Variants in NPHP4 observed in about 807,000 individuals in gnomAD.
NPHP4 encodes nephrocystin-4.
NPHP4 carries 151 observed loss-of-function variants against 155.8 expected under a neutral mutation model. That is an observed-to-expected ratio of 0.97 (90% CI 0.85 to 1.11). The LOEUF (loss-of-function observed/expected upper bound fraction) is 1.11, where lower values mean the gene tolerates loss of function less well. Ranked by LOEUF, NPHP4 falls within the 50% of genes least tolerant of loss-of-function variation. The probability of loss-of-function intolerance (pLI) is 0.00; values close to 1 mark genes in which losing one functional copy is unlikely to be tolerated. For missense variants in NPHP4, 1,956 were observed against 1,925.7 expected (o/e 1.02, Z -0.29); for synonymous variants, 845 against 816.8 (o/e 1.03, Z -0.59).
chr1:5,888,646 T>G, intron 17 of NPHP4: 1 of 1,325,030 alleles, frequency 7.5e-7, no homozygotes, highest in Non-Finnish European at 1.0e-6. Flanking sequence ...AGAAACCATG[T>G]CAGCTTCTCC....
chr1:5,948,529 C>G (rs1275555629), intron 7 of NPHP4, among the ~76,000 whole-genome samples: 1 of 152,188 alleles, frequency 6.6e-6, no homozygotes, highest in African/African-American at 2.4e-5. Flanking sequence ...ATCCCCAAAA[C>G]CCGACACTAG....
chr1:5,961,768 G>C (rs191674474), intron 6 of NPHP4, 26 bp downstream of exon 6: 2 of 1,600,540 alleles, frequency 1.2e-6, no homozygotes, highest in Non-Finnish European at 1.7e-6. Context: ...ACCTCACCAA[G>C]TGGAGAGAAT....
Position 5,867,723 on chromosome 1 carries a change from G to A in NPHP4, c.3472+17C>T. On this transcript the variant is annotated intron_variant, in intron 24 of 29. Coordinates refer to ENST00000378156, the MANE Select transcript of NPHP4 (RefSeq NM_015102.5). The surrounding 1 kb of genome is among the most constrained non-coding windows in gnomAD (Gnocchi z 4.1). ...GAGCCTGCAACATGTGGGCTGCAGGGTCAGTGCAGGACCTGCCTGGAAATG... is the reference window on the plus strand; with the variant it reads ...GAGCCTGCAACATGTGGGCTGCAGGATCAGTGCAGGACCTGCCTGGAAATG... The A allele has an allele frequency of 6.2e-7, 1 of 1,606,942 alleles. No individual in the cohort carries two copies. The highest frequency in any genetic ancestry group is 8.5e-7 in the Non-Finnish European group (1 of 1,179,404).
At chr1:5,960,797 G>T (rs1650174129) in intron 6 of NPHP4, among the ~76,000 whole-genome samples, 1 of 151,850 alleles carries the variant, frequency 6.6e-6, no homozygotes, top group Non-Finnish European at 1.5e-5. Context: ...TGGCTGCTGG[G>T]GTCGACCCAA....
rs921161455 is a variant in NPHP4 at position 5,885,891 on chromosome 1, C to T, written c.2485+1395G>A. On this transcript the variant is annotated intron_variant, in intron 18 of 29. Transcript: ENST00000378156. ...CGCTGCACTGATGCGCAGAGTGCTG[C>T]GGGTGGATTCGACCTTTGTGAAAAC... Among the ~76,000 whole-genome samples the T allele has an allele frequency of 5.9e-5, 9 of 152,204 alleles. No individual in the cohort carries two copies. The East Asian group carries it at 7.7e-4, about 13-fold the overall frequency.
rs1335109614 is a variant in NPHP4 at position 5,907,163 on chromosome 1, C to T, written c.1563G>A (p.Arg521=). The T allele has an allele frequency of 6.3e-7, 1 of 1,587,932 alleles. No individual in the cohort carries two copies. Among genetic ancestry groups the T allele is most frequent in the Non-Finnish European group, 8.6e-7 (1 of 1,166,566 alleles). The part of the protein sequence containing the change: ...PRSPTQHCLA[R]PTSQLPHGSQ... ...AGCCATGGGGTAGCTGTGAAGTAGG[C>T]CTGGCCAAGCAGTGCTGAGTCGGGG... The change falls in exon 13 of 30, where the codon AGG becomes AGA. Residue 521 remains arginine (R), a synonymous_variant. Coordinates refer to ENST00000378156, the MANE Select transcript of NPHP4 (RefSeq NM_015102.5).
chr1:5,924,015 G>A (rs1027601393), intron 11 of NPHP4, among the ~76,000 whole-genome samples: 2 of 152,168 alleles, frequency 1.3e-5, no homozygotes, highest in African/African-American at 4.8e-5. Flanking sequence ...AGGAAACACT[G>A]AACATGTTAA....
intron 9 of NPHP4, among the ~76,000 whole-genome samples, chr1:5,941,813 G>A (rs945265400): frequency 4.6e-5 from 7 of 152,304 alleles, no homozygotes; most frequent in African/African-American, 1.4e-4. Context: ...ACCCATGTGC[G>A]CTTGATGGAC....
rs1360800595 is a variant in NPHP4 at position 5,892,941 on chromosome 1, A to G, written c.2144-1913T>C. On this transcript the variant is annotated intron_variant, in intron 16 of 29. Transcript: ENST00000378156. This position sits in a 1 kb window ranked among gnomAD's most constrained non-coding sequence, Gnocchi z 4.5. ...CCTCACTGCTTCTGGGGTTGAGGAA[A>G]CAGAAAACACAGTAATGGTAGAAAC... Among the ~76,000 whole-genome samples, 2 of 152,172 alleles carry G rather than the reference A, an allele frequency of 1.3e-5. No individual in the cohort carries two copies. Among genetic ancestry groups the G allele is most frequent in the Non-Finnish European group, 2.9e-5 (2 of 68,020 alleles).
chr1:5,969,256 AG>A lies in NPHP4; in HGVS notation c.282del (p.Leu95CysfsTer7), dbSNP rs1652115328. On this transcript the variant is annotated frameshift_variant and splice_region_variant, in exon 4 of 30. Coordinates refer to ENST00000378156, the MANE Select transcript of NPHP4 (RefSeq NM_015102.5). LOFTEE classifies it high-confidence loss of function. ...RPPSRIVFNEPLYFHTSLNHP... is the reference protein window; with the variant it reads ...RPPSRIVFNEXLYFHTSLNHP... Reference sequence around the variant, plus strand: ...TGGTTTAGGGATGTGTGAAAATACAAGGGCTGCAGAACAGAAGCCAGAGGAT... The same window carrying A: ...TGGTTTAGGGATGTGTGAAAATACAAGGCTGCAGAACAGAAGCCAGAGGAT... 6.4e-7 allele frequency: 1 copy of A among 1,551,484 alleles called. No homozygotes were observed. Among genetic ancestry groups the A allele is most frequent in the Non-Finnish European group, 8.8e-7 (1 of 1,140,220 alleles).
At chr1:5,987,556 G>A (rs1176438553) in intron 1 of NPHP4, among the ~76,000 whole-genome samples, 1 of 152,156 alleles carries the variant, frequency 6.6e-6, no homozygotes, top group Non-Finnish European at 1.5e-5. Flanking sequence ...ACCTCTCACA[G>A]AAAAGAACAA....
intron 9 of NPHP4, among the ~76,000 whole-genome samples, chr1:5,938,735 C>A (rs1646674528): frequency 6.6e-6 from 1 of 152,218 alleles, no homozygotes; most frequent in Admixed American, 6.5e-5. Flanking sequence ...GAGGCTGAAG[C>A]AAATCTGACT....
rs115993009 is a variant in NPHP4 at position 5,963,535 on chromosome 1, T to C, written c.518-1586A>G. Among the ~76,000 whole-genome samples the C allele has an allele frequency of 2.4e-3, 365 of 152,248 alleles. 5 individuals carry two copies. The highest frequency in any genetic ancestry group is 0.02 in the Middle Eastern group (6 of 294). Reference sequence around the variant, plus strand: ...GGCTAGTCAGGAGTCACAACCTCTCTGGGGGCGGGGCACACAGGAGAAATA... The same window carrying C: ...GGCTAGTCAGGAGTCACAACCTCTCCGGGGGCGGGGCACACAGGAGAAATA... On this transcript the variant is annotated intron_variant, in intron 5 of 29. Coordinates refer to ENST00000378156, the MANE Select transcript of NPHP4 (RefSeq NM_015102.5).
At chr1:5,868,180 G>C (rs1279707661) in intron 23 of NPHP4, 1 of 501,484 alleles carries the variant, frequency 2.0e-6, no homozygotes, top group Non-Finnish European at 3.7e-6. Context: ...CTTCTTAAAT[G>C]CCAGTGGAGA....
intron 6 of NPHP4, among the ~76,000 whole-genome samples, chr1:5,957,478 A>G (rs1008489553): frequency 1.3e-5 from 2 of 152,238 alleles, no homozygotes; most frequent in Non-Finnish European, 2.9e-5. Flanking sequence ...TGGGATATTT[A>G]ATTCAGCAAA....
At chr1:5,938,464 A>G (rs185547541) in intron 9 of NPHP4, among the ~76,000 whole-genome samples, 1 of 152,300 alleles carries the variant, frequency 6.6e-6, no homozygotes, top group East Asian at 1.9e-4. Flanking sequence ...ACCAGAAGCT[A>G]CTCAGTCCTC....
intron 12 of NPHP4, among the ~76,000 whole-genome samples, chr1:5,908,928 G>C (rs1645041987): frequency 6.6e-6 from 1 of 152,180 alleles, no homozygotes; most frequent in Non-Finnish European, 1.5e-5. Flanking sequence ...GCAGCATAGG[G>C]GTTGCAAGCA....
At chr1:5,958,099 A>G (rs1330954192) in intron 6 of NPHP4, among the ~76,000 whole-genome samples, 1 of 152,274 alleles carries the variant, frequency 6.6e-6, no homozygotes, top group Non-Finnish European at 1.5e-5. Context: ...GGTTTTCTCC[A>G]CGGAGTTAGA....
intron 5 of NPHP4, among the ~76,000 whole-genome samples, chr1:5,966,786 C>G (rs1651590116): frequency 6.6e-6 from 1 of 152,152 alleles, no homozygotes; most frequent in Admixed American, 6.6e-5. Flanking sequence ...CTGTCATCCT[C>G]CAGGCAGGCA....
Sources: gnomAD v4.1 joint callset for allele counts (sites outside exome capture counted in the v4.1 genomes callset) on GRCh38, gnomAD v4.1.1 for gene constraint, Gnocchi (gnomAD v3.1) non-coding constraint, MANE v1.5 for transcripts, NCBI Gene and HGNC (gene_info 2026-07-23, HGNC 2026-07-21) for gene names.